The following VMA12 variants were observed in gnomAD, a reference collection of about 807,000 sequenced individuals.
VMA12 encodes vacuolar ATPase assembly protein VMA12.
At chr17:28,360,937 G>C in the VMA12 span, 1 of 1,137,272 alleles carries the variant, frequency 8.8e-7, no homozygotes, top group Non-Finnish European at 1.3e-6. Flanking sequence ...GCACAGGTTA[G>C]GTATTGAACA....
the VMA12 span, chr17:28,361,219 G>A: frequency 4.3e-6 from 7 of 1,614,020 alleles, no homozygotes; most frequent in East Asian, 1.6e-4. Context: ...ATGTCATGGT[G>A]CGGGCAATGG....
At chr17:28,359,195 C>T in the VMA12 span, 101,866 of 1,079,568 alleles carry the variant, frequency 0.094, 5,919 homozygotes, top group East Asian at 0.19. Flanking sequence ...ACTGGAGTTA[C>T]GACTAGTATG....
the VMA12 span, chr17:28,361,303 A>C: frequency 1.3e-6 from 2 of 1,571,940 alleles, no homozygotes; most frequent in Non-Finnish European, 1.8e-6. Context: ...TTCAGGCTCC[A>C]ATTGGCAGTC....
At chr17:28,358,172 A>G in the VMA12 span, 2 of 467,886 alleles carry the variant, frequency 4.3e-6, no homozygotes, top group African/African-American at 3.9e-5. Flanking sequence ...TACAAATATC[A>G]CAGGTTTTGT....
the VMA12 span, chr17:28,362,246 A>T: frequency 6.6e-6 from 1 of 151,430 alleles, no homozygotes; most frequent in Non-Finnish European, 1.5e-5. Context: ...CACTCAGTGG[A>T]CACTTCCTCT....
the VMA12 span, chr17:28,357,967 C>T: frequency 2.1e-6 from 3 of 1,398,742 alleles, no homozygotes; most frequent in South Asian, 1.2e-5. Context: ...TCCCCTTCTT[C>T]TACGGAGCAC....
At chr17:28,358,846 A>G in the VMA12 span, 2 of 1,207,546 alleles carry the variant, frequency 1.7e-6, no homozygotes, top group Middle Eastern at 1.9e-4. Flanking sequence ...GAAGGGCTAC[A>G]CCCCTCTTGA....
At chr17:28,357,648 C>G in the VMA12 span, 1 of 1,609,856 alleles carries the variant, frequency 6.2e-7, no homozygotes, top group Admixed American at 1.7e-5. Flanking sequence ...GTTGGGGTCA[C>G]CTGACCGGAG....
the VMA12 span, chr17:28,360,309 T>C: frequency 2.0e-6 from 1 of 504,850 alleles, no homozygotes; most frequent in Non-Finnish European, 3.6e-6. Context: ...GGCATGCTCC[T>C]ACCCTGGAAC....
chr17:28,360,312 C>T, the VMA12 span: 2 of 509,372 alleles, frequency 3.9e-6, no homozygotes, highest in Non-Finnish European at 7.1e-6. Flanking sequence ...ATGCTCCTAC[C>T]CTGGAACAGG....
the VMA12 span, chr17:28,360,340 G>A: frequency 1.8e-6 from 1 of 563,090 alleles, no homozygotes; most frequent in Admixed American, 3.0e-5. Context: ...ATGGGTACTG[G>A]CAGCCTATGT....
chr17:28,358,080 C>T, the VMA12 span: 1 of 622,930 alleles, frequency 1.6e-6, no homozygotes, highest in Non-Finnish European at 2.8e-6. Flanking sequence ...TGTGCAGTTT[C>T]TGCTCTTTTG....
the VMA12 span, chr17:28,360,787 G>C: frequency 6.2e-7 from 1 of 1,614,102 alleles, no homozygotes; most frequent in Non-Finnish European, 8.5e-7. Flanking sequence ...TTGTCACGGT[G>C]GTTGCTGCCT....
the VMA12 span, chr17:28,360,800 G>T: frequency 6.2e-7 from 1 of 1,613,632 alleles, no homozygotes; most frequent in African/African-American, 1.3e-5. Flanking sequence ...TGCTGCCTTC[G>T]TCTGCACTTA....
the VMA12 span, chr17:28,362,903 C>T: frequency 1.3e-5 from 2 of 152,196 alleles, no homozygotes; most frequent in Non-Finnish European, 2.9e-5. Flanking sequence ...CTAGCCACTC[C>T]TGCCTCACTG....
the VMA12 span, chr17:28,358,565 T>C: frequency 6.2e-6 from 3 of 484,788 alleles, no homozygotes; most frequent in Non-Finnish European, 8.4e-6. Context: ...GATTGCCTAG[T>C]ATTAGTGTCC....
the VMA12 span, chr17:28,359,292 C>T: frequency 6.2e-7 from 1 of 1,612,560 alleles, no homozygotes; most frequent in Non-Finnish European, 8.5e-7. Context: ...TATCATTCTT[C>T]TCATTTGATT....
At chr17:28,359,017 G>A in the VMA12 span, 1 of 1,571,504 alleles carries the variant, frequency 6.4e-7, no homozygotes, top group Non-Finnish European at 8.7e-7. Context: ...TTGTGAGAGT[G>A]GTTATTGACT....
At chr17:28,361,477 G>C in the VMA12 span, 1 of 528,596 alleles carries the variant, frequency 1.9e-6, no homozygotes, top group Non-Finnish European at 3.4e-6. Context: ...AGAAAGAACT[G>C]GTCTTGGTCT....
Sources: gnomAD v4.1 joint callset for allele counts on GRCh38, gnomAD v4.1.1 for gene constraint, MANE v1.5 for transcripts, NCBI Gene and HGNC (gene_info 2026-07-23, HGNC 2026-07-21) for gene names.